The following MGAT4C variants were observed in gnomAD, a reference collection of about 807,000 sequenced individuals.
The protein encoded by MGAT4C is alpha-1,3-mannosyl-glycoprotein 4-beta-N-acetylglucosaminyltransferase C.
MGAT4C carries 19 observed loss-of-function variants against 40.1 expected under a neutral mutation model. The observed-to-expected ratio is 0.47, with a 90% CI of 0.33 to 0.70. MGAT4C has a LOEUF of 0.70. MGAT4C is among the 30% of genes least tolerant of loss of function. The probability of loss-of-function intolerance (pLI) is 0.02; values close to 1 mark genes in which losing one functional copy is unlikely to be tolerated. For missense variants in MGAT4C, 491 were observed against 563.2 expected, an observed-to-expected ratio of 0.87 and a Z score of 1.30; for synonymous variants, 181 against 187.1, an observed-to-expected ratio of 0.97 and a Z score of 0.27.
chr12:86,693,060 T>A (rs965796239), intron 2 of MGAT4C, among the ~76,000 whole-genome samples: 2 of 151,954 alleles, frequency 1.3e-5, no homozygotes, highest in African/African-American at 4.8e-5. Flanking sequence ...CCATTAGATA[T>A]GAGCCACCCT....
intron 2 of MGAT4C, among the ~76,000 whole-genome samples, chr12:86,625,228 C>A (rs958757821): frequency 2.0e-5 from 3 of 152,078 alleles, no homozygotes; most frequent in Non-Finnish European, 4.4e-5. Flanking sequence ...ACCATAATTG[C>A]AGGTTTCCTG....
chr12:85,996,801 GGAAA>G (rs1360696020), intron 2 of MGAT4C, among the ~76,000 whole-genome samples: 1 of 151,938 alleles, frequency 6.6e-6, no homozygotes, highest in Non-Finnish European at 1.5e-5. Context: ...GAGGAAGAAA[GGAAA>G]GAAAGAGAAT....
At chr12:86,180,877 G>T (rs1318117362) in intron 1 of MGAT4C, among the ~76,000 whole-genome samples, 2 of 152,198 alleles carry the variant, frequency 1.3e-5, no homozygotes. Flanking sequence ...AACCTTTGGG[G>T]GACTGTTGAG....
At chr12:86,222,798 G>A (rs1041861012) in intron 1 of MGAT4C, among the ~76,000 whole-genome samples, 1 of 152,134 alleles carries the variant, frequency 6.6e-6, no homozygotes, top group African/African-American at 2.4e-5. Flanking sequence ...TGTAGAGAAG[G>A]TTAATGTCAA....
intron 4 of MGAT4C, among the ~76,000 whole-genome samples, chr12:86,294,229 G>A (rs1177367666): frequency 6.6e-6 from 1 of 152,022 alleles, no homozygotes; most frequent in African/African-American, 2.4e-5. Flanking sequence ...TACAGCAGTG[G>A]ACATGTTTGG....
chr12:86,378,878 A>G (rs966048113), intron 3 of MGAT4C, among the ~76,000 whole-genome samples: 3 of 152,142 alleles, frequency 2.0e-5, no homozygotes, highest in African/African-American at 7.2e-5. Flanking sequence ...AGAAGTTTAC[A>G]AAAGTTACAG....
intron 1 of MGAT4C, among the ~76,000 whole-genome samples, chr12:86,111,760 A>C (rs1235416753): frequency 6.6e-6 from 1 of 151,746 alleles, no homozygotes; most frequent in African/African-American, 2.4e-5. Context: ...TTTCAAGGGG[A>C]CCGCACTTAC....
At chr12:86,355,547 C>A (rs11838114) in intron 3 of MGAT4C, among the ~76,000 whole-genome samples, 1 of 151,900 alleles carries the variant, frequency 6.6e-6, no homozygotes, top group Admixed American at 6.6e-5. Flanking sequence ...AATGTAAAAC[C>A]TTTTAGGCAA....
At chr12:86,565,757 C>A (rs754968084) in intron 2 of MGAT4C, among the ~76,000 whole-genome samples, 13 of 152,188 alleles carry the variant, frequency 8.5e-5, no homozygotes, top group African/African-American at 2.4e-4. Flanking sequence ...CCAACAGTGA[C>A]CTCAGCAGAG....
chr12:86,106,636 G>A (rs1169744848), intron 1 of MGAT4C, among the ~76,000 whole-genome samples: 1 of 151,744 alleles, frequency 6.6e-6, no homozygotes, highest in Non-Finnish European at 1.5e-5. Context: ...TTGTTCTCTT[G>A]CTTTGAAGGT....
At chr12:86,480,909 C>G (rs1392588833) in intron 2 of MGAT4C, among the ~76,000 whole-genome samples, 1 of 151,462 alleles carries the variant, frequency 6.6e-6, no homozygotes, top group Non-Finnish European at 1.5e-5. Context: ...CTTCCTTAAT[C>G]ACATCAGGAC....
chr12:86,187,617 C>CTTTTAGATTTGCCT (rs1888910449), intron 1 of MGAT4C, among the ~76,000 whole-genome samples: 1 of 151,328 alleles, frequency 6.6e-6, no homozygotes, highest in Non-Finnish European at 1.5e-5. Context: ...TAAATCTTTC[C>CTTTTAGATTTGCCT]TTTCTATAGT....
chr12:86,353,634 C>T (rs951999229), intron 3 of MGAT4C, among the ~76,000 whole-genome samples: 7 of 152,186 alleles, frequency 4.6e-5, no homozygotes, highest in East Asian at 1.9e-4. Flanking sequence ...CATGAAGCTG[C>T]ATTTCCATGG....
intron 2 of MGAT4C, among the ~76,000 whole-genome samples, chr12:86,665,255 T>C (rs1392525156): frequency 2.0e-5 from 3 of 152,180 alleles, no homozygotes; most frequent in Admixed American, 6.5e-5. Context: ...GTGGAAAACA[T>C]TAATGGGTTT....
chr12:86,250,122 T>G (rs1429125798), intron 1 of MGAT4C, among the ~76,000 whole-genome samples: 1 of 152,130 alleles, frequency 6.6e-6, no homozygotes, highest in East Asian at 1.9e-4. Flanking sequence ...GGAAAATACC[T>G]TAGTGGAATG....
chr12:85,980,531 A>G, intron 4 of MGAT4C, 101 bp from the exon 5 acceptor site: 1 of 1,042,172 alleles, frequency 9.6e-7, no homozygotes. Flanking sequence ...CTTACTACAT[A>G]TTAAGTAAAT....
At chr12:86,297,674 G>C (rs901719407) in intron 4 of MGAT4C, among the ~76,000 whole-genome samples, 3 of 152,130 alleles carry the variant, frequency 2.0e-5, no homozygotes, top group African/African-American at 7.2e-5. Flanking sequence ...AGTTGGTGCT[G>C]ATAAGATTTG....
chr12:86,170,798 G>GA (rs1264434128), intron 1 of MGAT4C, among the ~76,000 whole-genome samples: 3 of 151,454 alleles, frequency 2.0e-5, no homozygotes, highest in East Asian at 2.0e-4. Flanking sequence ...ACAAAAAATG[G>GA]AAAAAATAGC....
intron 1 of MGAT4C, among the ~76,000 whole-genome samples, chr12:86,837,134 C>T (rs969920450): frequency 1.3e-5 from 2 of 151,976 alleles, no homozygotes; most frequent in African/African-American, 4.8e-5. Context: ...AGCAATCTCA[C>T]TTTTTTAATG....
Sources: allele counts gnomAD v4.1 joint callset (sites outside exome capture counted in the v4.1 genomes callset), GRCh38; gene constraint gnomAD v4.1.1; transcripts MANE v1.5; gene names NCBI Gene and HGNC (gene_info 2026-07-23, HGNC 2026-07-21).